ANKRD30B: variants seen among roughly 807,000 people sequenced by gnomAD.
ANKRD30B encodes ankyrin repeat domain 30B.
ANKRD30B carries 144 observed loss-of-function variants against 202.2 expected under a neutral mutation model. The observed-to-expected ratio is 0.71, with a 90% CI of 0.62 to 0.82. ANKRD30B has a LOEUF of 0.82. Ranked by LOEUF, ANKRD30B falls within the 40% of genes least tolerant of loss-of-function variation. The probability of loss-of-function intolerance (pLI) is 0.00; values close to 1 mark genes in which losing one functional copy is unlikely to be tolerated. For synonymous variants in ANKRD30B, 508 were observed against 561.3 expected, an observed-to-expected ratio of 0.91 and a Z score of 1.34; for missense variants, 1,487 against 1,669.1, an observed-to-expected ratio of 0.89 and a Z score of 1.90.
At chr18:14,931,151 A>G in the ANKRD30B span, among the ~76,000 whole-genome samples, 1 of 152,200 alleles carries the variant, frequency 6.6e-6, no homozygotes. Flanking sequence ...TACTGTCTTT[A>G]GTGACAGGGG....
At chr18:14,930,333 G>A in the ANKRD30B span, among the ~76,000 whole-genome samples, 1 of 151,782 alleles carries the variant, frequency 6.6e-6, no homozygotes, top group Non-Finnish European at 1.5e-5. Context: ...CAAGGGCAGG[G>A]CAGTGAGTTT....
chr18:14,873,261 C>G, the ANKRD30B span, among the ~76,000 whole-genome samples: 6 of 152,072 alleles, frequency 3.9e-5, no homozygotes, highest in Non-Finnish European at 7.3e-5. Flanking sequence ...CATGGTGGCT[C>G]ACACCTGTAA....
intron 20 of ANKRD30B, 80 bp downstream of exon 20, chr18:14,797,934 T>A (rs1413374758): frequency 1.2e-5 from 15 of 1,247,362 alleles, no homozygotes; most frequent in Admixed American, 5.3e-5. Context: ...TTATTCCCAA[T>A]GTTGTTTTCT....
At chr18:14,894,870 A>T in the ANKRD30B span, among the ~76,000 whole-genome samples, 1 of 14,756 alleles carries the variant, frequency 6.8e-5, no homozygotes, top group Non-Finnish European at 4.9e-4. Context: ...CTGAAAACAC[A>T]ACAATAAGAA....
chr18:14,796,200 T>C (rs1440803863), intron 16 of ANKRD30B, 21 bp from the exon 17 acceptor site: 2 of 1,582,348 alleles, frequency 1.3e-6, no homozygotes, highest in African/African-American at 2.7e-5. Context: ...TAATCAATTA[T>C]ATATGTCCCT....
the ANKRD30B span, among the ~76,000 whole-genome samples, chr18:14,869,333 T>A: frequency 6.6e-6 from 1 of 151,548 alleles, no homozygotes; most frequent in African/African-American, 2.4e-5. Flanking sequence ...TTCAGTGAGA[T>A]AATAAGGGAG....
chr18:14,848,600 T>A, intron 39 of ANKRD30B, 116 bp from the exon 40 acceptor site: 2 of 780,672 alleles, frequency 2.6e-6, no homozygotes, highest in South Asian at 7.4e-5. Context: ...GCCTTCCACA[T>A]GGTAGGCAAT....
At chr18:14,856,364 GCTC>G (rs1264445320), downstream of ANKRD30B, among the ~76,000 whole-genome samples, 1 of 133,360 alleles carries the variant, frequency 7.5e-6, no homozygotes, top group East Asian at 2.2e-4. Context: ...GGGCAGAGGC[GCTC>G]CTCACCTCCC....
intron 39 of ANKRD30B, among the ~76,000 whole-genome samples, chr18:14,848,339 C>T (rs1421309443): frequency 6.6e-6 from 1 of 152,128 alleles, no homozygotes; most frequent in Non-Finnish European, 1.5e-5. Flanking sequence ...CACACACTGG[C>T]TAAAATGCTT....
rs545141228 is a variant in ANKRD30B, at chr18:14,754,995, G to A, written c.607G>A (p.Glu203Lys). 4.0e-6 allele frequency: 6 copies of A among 1,518,842 alleles called. No homozygotes were observed. The highest frequency in any genetic ancestry group is 1.7e-4 in the Middle Eastern group (1 of 5,802). The allele number at this position is 1,518,842 out of a possible 1,614,324, so 94.1% of individuals were successfully genotyped here. A position where few individuals can be genotyped will look rare whatever the true frequency, so the allele number is the denominator to read the frequency against. The part of the protein sequence containing the change: ...TKNANANAFN[E>K]SKCTALMLAI... Reference sequence around the variant, plus strand: ...AAATGCAAATGCAAACGCATTTAATGAGTCTAAATGGTATGGTAGTTCTTT... The same window carrying A: ...AAATGCAAATGCAAACGCATTTAATAAGTCTAAATGGTATGGTAGTTCTTT... Residue 203 changes from glutamate to lysine, a missense_variant, in exon 4 of 44, where the codon GAG becomes AAG. Glu to Lys is a moderately conservative substitution (Grantham distance 56, BLOSUM62 1). Coordinates refer to ENST00000690538, the MANE Select transcript of ANKRD30B (RefSeq NM_001367607.2).
At position 14,826,399 on chromosome 18, in the gene ANKRD30B, C is replaced by A. The variant is rs1598684806; in HGVS notation, c.2744-1879C>A. Among the ~76,000 whole-genome samples the A allele has an allele frequency of 3.3e-5, 5 of 152,022 alleles. No individual in the cohort carries two copies. The East Asian group carries it at 9.7e-4, about 29-fold the overall frequency. On this transcript the variant is annotated intron_variant, in intron 32 of 43. Coordinates refer to ENST00000690538, the MANE Select transcript of ANKRD30B (RefSeq NM_001367607.2). ...ACAAGTTCTACAGTGGTAATCTGTT[C>A]AAAAGAATTATTTTAGAGTTGTTAG...
intron 24 of ANKRD30B, among the ~76,000 whole-genome samples, chr18:14,805,401 T>A (rs528816096): frequency 6.6e-6 from 1 of 151,034 alleles, no homozygotes; most frequent in Non-Finnish European, 1.5e-5. Context: ...CTGTTCCTGA[T>A]GAGGTTTGTA....
chr18:14,913,939 G>A, the ANKRD30B span, among the ~76,000 whole-genome samples: 1 of 152,212 alleles, frequency 6.6e-6, no homozygotes, highest in Non-Finnish European at 1.5e-5. Context: ...GTCTTAATGA[G>A]GAATGTGCTG....
At chr18:14,933,981 C>A in the ANKRD30B span, among the ~76,000 whole-genome samples, 1 of 152,224 alleles carries the variant, frequency 6.6e-6, no homozygotes, top group African/African-American at 2.4e-5. Flanking sequence ...GTCTCAGGGC[C>A]TTGCCCGCCT....
intron 15 of ANKRD30B, among the ~76,000 whole-genome samples, chr18:14,790,002 T>C (rs1367128699): frequency 1.3e-5 from 2 of 152,216 alleles, no homozygotes; most frequent in South Asian, 2.1e-4. Flanking sequence ...TTTCATGATA[T>C]TCATTCTTCC....
intron 42 of ANKRD30B, 82 bp downstream of exon 42, chr18:14,852,502 A>C (rs1406466854): frequency 2.8e-6 from 4 of 1,421,984 alleles, no homozygotes; most frequent in Non-Finnish European, 1.8e-6. Flanking sequence ...AGTTGAATAT[A>C]TATATATATA....
intron 5 of ANKRD30B, chr18:14,759,182 G>A (rs1367674547): frequency 6.6e-6 from 1 of 152,112 alleles, no homozygotes. Flanking sequence ...ATAAAAGTAG[G>A]GATTTGTGCT....
intron 9 of ANKRD30B, among the ~76,000 whole-genome samples, chr18:14,772,625 T>C (rs1484963355): frequency 6.6e-6 from 1 of 152,052 alleles, no homozygotes; most frequent in Non-Finnish European, 1.5e-5. Flanking sequence ...AAATTTGTCT[T>C]GATGGACCCA....
chr18:14,836,599 G>A (rs1448259037), intron 34 of ANKRD30B, among the ~76,000 whole-genome samples: 1 of 152,076 alleles, frequency 6.6e-6, no homozygotes, highest in Non-Finnish European at 1.5e-5. Flanking sequence ...AAATATACTT[G>A]TAATGATGTA....
Sources: gnomAD v4.1 joint callset for allele counts (sites outside exome capture counted in the v4.1 genomes callset) on GRCh38, gnomAD v4.1.1 for gene constraint, MANE v1.5 for transcripts, NCBI Gene and HGNC (gene_info 2026-07-23, HGNC 2026-07-21) for gene names.